ZNF30: variants seen among roughly 807,000 people sequenced by gnomAD.
ZNF30 encodes the protein zinc finger protein 30, also known as zinc finger protein 30 (KOX 28).
Under a neutral mutation model 13.2 loss-of-function variants are expected in ZNF30, and 15 were observed. That is an observed-to-expected ratio of 1.13 (90% CI 0.76 to 1.75). The LOEUF is 1.75. Ranked by LOEUF, ZNF30 falls within the 40% of genes most tolerant of loss-of-function variation. The pLI is 0.00. For missense variants in ZNF30, 726 were observed against 757.0 expected (o/e 0.96, Z 0.48); for synonymous variants, 223 against 256.6 (o/e 0.87, Z 1.25).
chr19:34,935,939 C>T (rs369750014), intron 4 of ZNF30, among the ~76,000 whole-genome samples: 6 of 152,036 alleles, frequency 3.9e-5, no homozygotes, highest in South Asian at 2.1e-4. Flanking sequence ...GTAAAAGGCA[C>T]GTCTTACATG....
intron 3 of ZNF30, among the ~76,000 whole-genome samples, chr19:34,932,687 C>T (rs1429786705): frequency 6.6e-6 from 1 of 151,866 alleles, no homozygotes; most frequent in Non-Finnish European, 1.5e-5. Context: ...GTGAGTTACG[C>T]AAGATCACAC....
In ZNF30 at chr19:34,927,118, T is replaced by C. The variant is rs559931588; in HGVS notation, c.-163T>C. Reference sequence around the variant, plus strand: ...GAGAAGTCAGCGCCCAGCTCCGAGGTTGGAGCAGCCCCGCCGGGCAACTTG... The same window carrying C: ...GAGAAGTCAGCGCCCAGCTCCGAGGCTGGAGCAGCCCCGCCGGGCAACTTG... On this transcript the variant is annotated 5_prime_UTR_variant, in exon 1 of 5. Coordinates refer to ENST00000601142, the MANE Select transcript of ZNF30 (RefSeq NM_194325.3). 5 of 397,314 alleles carry C rather than the reference T, an allele frequency of 1.3e-5. No homozygotes were observed. The highest frequency in any genetic ancestry group is 2.2e-5 in the Non-Finnish European group (5 of 225,462). The allele number at this position is 397,314 out of a possible 1,614,324, so 24.6% of individuals were successfully genotyped here. A position where few individuals can be genotyped will look rare whatever the true frequency, so the allele number is the denominator to read the frequency against.
chr19:34,927,154 A>G lies in ZNF30; in HGVS notation c.-127A>G. On this transcript the variant is annotated 5_prime_UTR_variant, in exon 1 of 5. Transcript: ENST00000601142. ...CCGCCGGGCAACTTGAATTTCTGCA[A>G]ACGAACACAGCACCGGGAGCTCTGC... 1 of 391,924 alleles carries G rather than the reference A, an allele frequency of 2.6e-6. No homozygotes were observed. The highest frequency in any genetic ancestry group is 4.5e-6 in the Non-Finnish European group (1 of 222,186). The allele number at this position is 391,924 out of a possible 1,614,324, so 24.3% of individuals were successfully genotyped here. A position where few individuals can be genotyped will look rare whatever the true frequency, so the allele number is the denominator to read the frequency against.
chr19:34,942,792 G>A, intron 4 of ZNF30: 6 of 360,826 alleles, frequency 1.7e-5, no homozygotes, highest in Admixed American at 3.5e-5. Flanking sequence ...TATTATCTGT[G>A]GAAAGATACA....
chr19:34,928,543 A>G (rs151180507), intron 1 of ZNF30, among the ~76,000 whole-genome samples: 158 of 152,060 alleles, frequency 1.0e-3, no homozygotes, highest in African/African-American at 3.6e-3. Flanking sequence ...CTATTACTCA[A>G]TTATGGTGGC....
chr19:34,935,001 G>A (rs929367594), intron 4 of ZNF30, among the ~76,000 whole-genome samples: 4 of 152,098 alleles, frequency 2.6e-5, no homozygotes, highest in Non-Finnish European at 4.4e-5. Flanking sequence ...AGGCTGAGGT[G>A]GGTGGATCAG....
At chr19:34,931,316 A>G (rs952215344) in intron 2 of ZNF30, among the ~76,000 whole-genome samples, 4 of 152,056 alleles carry the variant, frequency 2.6e-5, no homozygotes, top group Non-Finnish European at 4.4e-5. Context: ...AACCTTTAAT[A>G]CAGATCCACA....
At chr19:34,933,395 G>A (rs994628292) in intron 3 of ZNF30, among the ~76,000 whole-genome samples, 4 of 152,134 alleles carry the variant, frequency 2.6e-5, no homozygotes, top group African/African-American at 9.7e-5. Context: ...GGAGGTTGCA[G>A]TGAGCTGAGA....
At chr19:34,934,622 C>T (rs1364762295) in intron 4 of ZNF30, among the ~76,000 whole-genome samples, 1 of 152,148 alleles carries the variant, frequency 6.6e-6, no homozygotes, top group Non-Finnish European at 1.5e-5. Flanking sequence ...TACATTTTTC[C>T]AATTTTTGAA....
Position 34,944,623 on chromosome 19 carries a change from G to A in ZNF30, c.1657G>A (p.Gly553Arg), listed in dbSNP as rs192386994. 62 of 1,613,918 alleles carry A rather than the reference G, an allele frequency of 3.8e-5. No homozygotes were observed. The African/African-American group carries it at 7.7e-4, about 20-fold the overall frequency. ...ATGTGGGAAAGCCTTTACTGTTTATGGACAACTTATTGGACATCAGAGTGT... is the reference window on the plus strand; with the variant it reads ...ATGTGGGAAAGCCTTTACTGTTTATAGACAACTTATTGGACATCAGAGTGT... ...NKCGKAFTVY[G>R]QLIGHQSVHT... Residue 553 changes from glycine (G) to arginine (R), a missense_variant, in exon 5 of 5, where the codon GGA (glycine) becomes AGA (arginine). Transcript: ENST00000601142.
At chr19:34,930,136 T>C (rs994066408) in intron 2 of ZNF30, among the ~76,000 whole-genome samples, 180 bp downstream of exon 2, 1 of 152,176 alleles carries the variant, frequency 6.6e-6, no homozygotes, top group African/African-American at 2.4e-5. Flanking sequence ...TTCTAATCGG[T>C]GTTCATGAAT....
upstream of ZNF30, among the ~76,000 whole-genome samples, chr19:34,925,756 T>TC (rs1044268160): frequency 1.3e-5 from 2 of 152,006 alleles, no homozygotes; most frequent in Non-Finnish European, 2.9e-5. Flanking sequence ...CACCTCCCTT[T>TC]CCCCCTTCCA....
chr19:34,943,646 C>G lies in ZNF30; in HGVS notation c.680C>G (p.Thr227Ser). ...YQLTVHKSIHTGKKPYECGEC... is the reference protein window; with the variant it reads ...YQLTVHKSIHSGKKPYECGEC... Reference sequence around the variant, plus strand: ...CTTACAGTACATAAGAGTATTCATACTGGGAAGAAACCATATGAGTGCGGG... The same window carrying G: ...CTTACAGTACATAAGAGTATTCATAGTGGGAAGAAACCATATGAGTGCGGG... Residue 227 changes from threonine to serine, a missense_variant, in exon 5 of 5, where the codon ACT (threonine) becomes AGT (serine). Physicochemically the swap from Thr to Ser is moderately conservative, Grantham distance 58. Coordinates refer to ENST00000601142, the MANE Select transcript of ZNF30 (RefSeq NM_194325.3). The G allele has an allele frequency of 6.2e-7, 1 of 1,613,686 alleles. No individual in the cohort carries two copies. Among genetic ancestry groups the G allele is most frequent in the Non-Finnish European group, 8.5e-7 (1 of 1,179,776 alleles).
intron 4 of ZNF30, among the ~76,000 whole-genome samples, chr19:34,937,219 G>A (rs1447829749): frequency 3.3e-5 from 5 of 151,844 alleles, no homozygotes; most frequent in African/African-American, 1.2e-4. Flanking sequence ...CATCATGTTG[G>A]CCAGGTCGGT....
At chr19:34,941,477 C>T (rs2013046687) in intron 4 of ZNF30, among the ~76,000 whole-genome samples, 1 of 152,232 alleles carries the variant, frequency 6.6e-6, no homozygotes, top group Non-Finnish European at 1.5e-5. Context: ...GTTGGCCAGG[C>T]TGGTCTTGAA....
intron 1 of ZNF30, among the ~76,000 whole-genome samples, chr19:34,928,620 G>A (rs186068927): frequency 1.3e-5 from 2 of 151,410 alleles, no homozygotes; most frequent in East Asian, 4.0e-4. Context: ...ATCAATTGAG[G>A]TCAGGAGTTC....
In ZNF30 at chr19:34,942,443, C is replaced by CA. The variant is rs911384556; in HGVS notation, c.257-769dup. 7.8e-3 allele frequency among the ~76,000 whole-genome samples: 882 copies of CA among 113,332 alleles called. 5 individuals carry two copies. The highest frequency in any genetic ancestry group is 0.025 in the African/African-American group (779 of 30,628). The allele number at this position is 113,332 out of a possible 152,430, so 74.4% of individuals were successfully genotyped here. On this transcript the variant is annotated intron_variant, in intron 4 of 4. Transcript: ENST00000601142. Reference sequence around the variant, plus strand: ...GCCGGGGCAAGAGTGAGATCCTATCCAAAAAAAAAAAGAAAAGAAAAAAAG... The same window carrying CA: ...GCCGGGGCAAGAGTGAGATCCTATCCAAAAAAAAAAAAGAAAAGAAAAAAAG...
Position 34,931,736 on chromosome 19 carries a change from C to G in ZNF30, c.10-107C>G, listed in dbSNP as rs116601216. 7.0e-3 allele frequency: 8,267 copies of G among 1,173,686 alleles called. 85 individuals carry two copies. Among genetic ancestry groups the G allele is most frequent in the Middle Eastern group, 0.04 (206 of 5,172 alleles). 72.7% of individuals were successfully genotyped at this position (1,173,686 alleles called of 1,614,324 possible). A position where few individuals can be genotyped will look rare whatever the true frequency, so the allele number is the denominator to read the frequency against. Reference sequence around the variant, plus strand: ...TACCATGCTCATCCACTTGCCACATCATAAGCTTCCAGCCTATGTGATTGT... The same window carrying G: ...TACCATGCTCATCCACTTGCCACATGATAAGCTTCCAGCCTATGTGATTGT... On this transcript the variant is annotated intron_variant, in intron 2 of 4. Transcript: ENST00000601142.
intron 2 of ZNF30, among the ~76,000 whole-genome samples, chr19:34,930,503 G>C (rs889751761): frequency 2.0e-5 from 3 of 152,114 alleles, no homozygotes; most frequent in African/African-American, 7.2e-5. Context: ...AATGGGACCT[G>C]CCAGACTTGG....
Sources: allele counts gnomAD v4.1 joint callset (sites outside exome capture counted in the v4.1 genomes callset), GRCh38; gene constraint gnomAD v4.1.1; transcripts MANE v1.5; gene names NCBI Gene and HGNC (gene_info 2026-07-23, HGNC 2026-07-21).